Variants in FOCAD observed in about 807,000 individuals in gnomAD.
FOCAD encodes KIAA1797.
In FOCAD, 198 loss-of-function variants were observed where a neutral mutation model predicts 225.6. The ratio of observed to expected loss-of-function variants is 0.88; its 90% confidence interval spans 0.78 to 0.99. The LOEUF (loss-of-function observed/expected upper bound fraction) is 0.99, where lower values mean the gene tolerates loss of function less well. Ranked by LOEUF, FOCAD falls within the 50% of genes least tolerant of loss-of-function variation. The probability of loss-of-function intolerance (pLI) is 0.00; values close to 1 mark genes in which losing one functional copy is unlikely to be tolerated. For missense variants in FOCAD, 2,713 were observed against 2,123.6 expected, an observed-to-expected ratio of 1.28 and a Z score of -5.46; for synonymous variants, 897 against 755.0, an observed-to-expected ratio of 1.19 and a Z score of -3.08.
In FOCAD at chr9:20,944,722, A is replaced by G. The variant is rs1837014855; in HGVS notation, c.3503A>G (p.Lys1168Arg). The change falls in exon 29 of 44, where the codon AAG (lysine) becomes AGG (arginine). Residue 1168 changes from lysine to arginine, a missense_variant. Lys to Arg is a conservative substitution (Grantham distance 26). Coordinates refer to ENST00000338382, the MANE Select transcript of FOCAD (RefSeq NM_001375567.1). ...SRVHVAALLR[K>R]LSAHVDDSGS... ...GTTCACGTAGCAGCATTGCTCCGGA[A>G]GCTGTCTGCGCACGTAGATGACAGC... is the stretch of plus-strand genomic sequence containing the variant. 6.2e-7 allele frequency: 1 copy of G among 1,614,086 alleles called. No individual in the cohort carries two copies. Among genetic ancestry groups the G allele is most frequent in the Admixed American group, 1.7e-5 (1 of 60,016 alleles).
chr9:20,925,732 G>A (rs1295736371), intron 25 of FOCAD, among the ~76,000 whole-genome samples: 1 of 151,862 alleles, frequency 6.6e-6, no homozygotes, highest in Non-Finnish European at 1.5e-5. Context: ...TTGTTGTTTT[G>A]TTTTTGTGTT....
chr9:20,945,018 G>C (rs1587687724), intron 29 of FOCAD, among the ~76,000 whole-genome samples: 1 of 152,154 alleles, frequency 6.6e-6, no homozygotes, highest in Admixed American at 6.5e-5. Context: ...ACCTAACTCA[G>C]CATCACTAGA....
intron 12 of FOCAD, 22 bp from the exon 13 acceptor site, chr9:20,820,302 G>C: frequency 6.4e-7 from 1 of 1,562,106 alleles, no homozygotes; most frequent in East Asian, 2.3e-5. Flanking sequence ...TATGCAACTA[G>C]AGTTTCTTCA....
chr9:20,938,599 G>A lies in FOCAD; in HGVS notation c.3407+5496G>A, dbSNP rs544131761. On this transcript the variant is annotated intron_variant, in intron 28 of 43. Coordinates refer to ENST00000338382, the MANE Select transcript of FOCAD (RefSeq NM_001375567.1). ...TGTTGTGGGGTGGGGGGAGTGGGGA[G>A]GGATAGCATTAGGGGATATACCTAA... 7.2e-5 allele frequency among the ~76,000 whole-genome samples: 11 copies of A among 152,048 alleles called. No homozygotes were observed. The South Asian group carries it at 1.7e-3, about 23-fold the overall frequency.
chr9:20,959,013 C>G (rs912823207), intron 35 of FOCAD, among the ~76,000 whole-genome samples: 2 of 152,090 alleles, frequency 1.3e-5, no homozygotes, highest in African/African-American at 4.8e-5. Flanking sequence ...GTACAGATGT[C>G]TCTGATAGAA....
intron 26 of FOCAD, among the ~76,000 whole-genome samples, chr9:20,927,082 C>G (rs1464996520): frequency 1.3e-5 from 2 of 151,824 alleles, no homozygotes; most frequent in Non-Finnish European, 2.9e-5. Flanking sequence ...TTTAATTGCT[C>G]ATGGATAAAC....
chr9:20,940,561 C>G (rs1046445588), intron 28 of FOCAD, among the ~76,000 whole-genome samples: 7 of 152,164 alleles, frequency 4.6e-5, no homozygotes, highest in African/African-American at 1.4e-4. Flanking sequence ...AATGGGATTA[C>G]AGATGTGAGC....
Position 20,795,881 on chromosome 9 carries a change from G to C in FOCAD, c.1455+6273G>C, listed in dbSNP as rs186663299. On this transcript the variant is annotated intron_variant, in intron 11 of 43. Transcript: ENST00000338382. ...AAGTTTTAGGGTTCATGTGCACAAC[G>C]TATACAGGTGCCATATTGGTGTGCT... 2.9e-3 allele frequency among the ~76,000 whole-genome samples: 439 copies of C among 150,124 alleles called. 1 individual carries two copies. The highest frequency in any genetic ancestry group is 0.01 in the African/African-American group (419 of 40,678).
In FOCAD at chr9:20,770,151, G is replaced by T; in HGVS notation, c.819G>T (p.Leu273=). The T allele has an allele frequency of 1.2e-6, 2 of 1,614,062 alleles. No homozygotes were observed. The highest frequency in any genetic ancestry group is 1.1e-5 in the South Asian group (1 of 91,084). Residue 273 remains leucine (L), a synonymous_variant, in exon 8 of 44, where the codon CTG becomes CTT. Coordinates refer to ENST00000338382, the MANE Select transcript of FOCAD (RefSeq NM_001375567.1). ...TTACCCAGATGAGTCTTCAGCTGCT[G>T]TGTGTCAGTGAAGTCAGCTTAAAGA... ...IQLTQMSLQL[L]CVSEVSLKIT... is the part of the protein sequence containing the mutation.
chr9:20,905,266 T>C (rs1220180241), intron 21 of FOCAD, among the ~76,000 whole-genome samples: 4 of 152,042 alleles, frequency 2.6e-5, no homozygotes, highest in African/African-American at 9.7e-5. Flanking sequence ...GCTTTAACCT[T>C]GAGTTTATAA....
chr9:20,929,711 C>G (rs1835289189), intron 27 of FOCAD, 115 bp downstream of exon 27: 2 of 796,652 alleles, frequency 2.5e-6, no homozygotes, highest in East Asian at 2.5e-5. Context: ...GTTTGCTAAA[C>G]TTTCTGAGAT....
Position 20,740,229 on chromosome 9 carries a change from T to C in FOCAD, c.288-7T>C. ...TATAACATTTAACATGCTATATTTC[T>C]TTGCAGAAATACACATGGCTTGATA... On this transcript the variant is annotated splice_region_variant and splice_polypyrimidine_tract_variant and intron_variant, in intron 4 of 43. Transcript: ENST00000338382. 6.4e-7 allele frequency: 1 copy of C among 1,559,028 alleles called. No individual in the cohort carries two copies. Among genetic ancestry groups the C allele is most frequent in the Non-Finnish European group, 8.8e-7 (1 of 1,136,292 alleles).
In FOCAD at chr9:20,790,308, G is replaced by A. The variant is rs187774886; in HGVS notation, c.1455+700G>A. Among the ~76,000 whole-genome samples the A allele has an allele frequency of 6.1e-4, 93 of 152,108 alleles. 1 individual carries two copies. Among genetic ancestry groups the A allele is most frequent in the Admixed American group, 4.1e-3 (62 of 15,272 alleles). On this transcript the variant is annotated intron_variant, in intron 11 of 43. Transcript: ENST00000338382. ...TAGAATGCATTTCCTATAAAGGAAA[G>A]GTTTTCTAATCAAGTAGTTTTGACA...
intron 39 of FOCAD, among the ~76,000 whole-genome samples, chr9:20,983,603 C>G (rs1840908268): frequency 6.7e-6 from 1 of 149,478 alleles, no homozygotes; most frequent in African/African-American, 2.5e-5. Context: ...TATGGAATAT[C>G]AACATTTTGG....
intron 9 of FOCAD, among the ~76,000 whole-genome samples, chr9:20,779,067 A>G (rs1051948439): frequency 6.6e-6 from 1 of 152,228 alleles, no homozygotes; most frequent in African/African-American, 2.4e-5. Context: ...TGTACAGCAA[A>G]ATGGAAAGCT....
intron 28 of FOCAD, among the ~76,000 whole-genome samples, chr9:20,936,568 C>T (rs2132253730): frequency 6.6e-6 from 1 of 152,224 alleles, no homozygotes; most frequent in South Asian, 2.1e-4. Flanking sequence ...GTGGCTCACG[C>T]CTGTAATCCC....
At chr9:20,969,693 A>G (rs1839589398) in intron 35 of FOCAD, among the ~76,000 whole-genome samples, 2 of 13,414 alleles carry the variant, frequency 1.5e-4, no homozygotes, top group Non-Finnish European at 2.9e-4. Context: ...GGGGAGTTAT[A>G]AAACAAAAAT....
chr9:20,697,456 G>T (rs928065836), intron 1 of FOCAD, among the ~76,000 whole-genome samples: 6 of 152,158 alleles, frequency 3.9e-5, no homozygotes, highest in Admixed American at 2.6e-4. Flanking sequence ...GCTTCATTCT[G>T]TAATCTCTCA....
chr9:20,922,342 G>GC (rs1259825761), intron 24 of FOCAD, among the ~76,000 whole-genome samples: 1 of 97,888 alleles, frequency 1.0e-5, no homozygotes, highest in Non-Finnish European at 2.7e-5. Context: ...ACATTGAGGT[G>GC]GGGGGGTGGT....
Sources: gnomAD v4.1 joint callset for allele counts (sites outside exome capture counted in the v4.1 genomes callset) on GRCh38, gnomAD v4.1.1 for gene constraint, MANE v1.5 for transcripts, NCBI Gene and HGNC (gene_info 2026-07-23, HGNC 2026-07-21) for gene names.